Variants in PCDHGB5 observed in about 807,000 individuals in gnomAD.
The protein encoded by PCDHGB5 is protocadherin gamma subfamily B, 5, also known as protocadherin gamma-B5.
In PCDHGB5, 48 loss-of-function variants were observed where a neutral mutation model predicts 62.9. The observed-to-expected ratio is 0.76, with a 90% confidence interval of 0.61 to 0.97. The LOEUF is 0.97. Ranked by LOEUF, PCDHGB5 falls within the 50% of genes least tolerant of loss-of-function variation. The pLI is 0.00. For missense variants in PCDHGB5, 1,118 were observed against 1,198.6 expected (o/e 0.93, Z 0.99); for synonymous variants, 474 against 511.2 (o/e 0.93, Z 0.98).
intron 1 of PCDHGB5, chr5:141,415,863 G>T (rs1321470910): frequency 2.7e-5 from 30 of 1,107,154 alleles, no homozygotes; most frequent in Non-Finnish European, 3.6e-5. Context: ...GTAGTTTATA[G>T]TGTTGTTGAG....
At chr5:141,406,346 G>C (rs1296474677) in intron 1 of PCDHGB5, among the ~76,000 whole-genome samples, 1 of 152,092 alleles carries the variant, frequency 6.6e-6, no homozygotes, top group Non-Finnish European at 1.5e-5. Flanking sequence ...ATTTATTCAG[G>C]TCATACTATG....
intron 1 of PCDHGB5, among the ~76,000 whole-genome samples, chr5:141,463,073 C>G (rs911706393): frequency 6.6e-6 from 1 of 152,110 alleles, no homozygotes; most frequent in African/African-American, 2.4e-5. Flanking sequence ...AAATGAAATT[C>G]AAACATTTTC....
chr5:141,486,506 A>C lies in PCDHGB5; in HGVS notation c.2398-8301A>C. The C allele has an allele frequency of 6.2e-7, 1 of 1,614,134 alleles. No individual in the cohort carries two copies. The highest frequency in any genetic ancestry group is 8.5e-7 in the Non-Finnish European group (1 of 1,180,006). Reference sequence around the variant, plus strand: ...TACCCACAGAACTATTTTCCTCAATATTTCAGATGTGAATGATAATCCACC... The same window carrying C: ...TACCCACAGAACTATTTTCCTCAATCTTTCAGATGTGAATGATAATCCACC... On this transcript the variant is annotated intron_variant, in intron 1 of 3. Transcript: ENST00000617380. The surrounding 1 kb of genome is among the most constrained non-coding windows in gnomAD (Gnocchi z 5.0).
chr5:141,410,080 G>A (rs758499736), intron 1 of PCDHGB5: 2 of 1,612,672 alleles, frequency 1.2e-6, no homozygotes, highest in African/African-American at 2.7e-5. Context: ...CTGGGGAGGT[G>A]CGCACGGCTC....
In PCDHGB5 at chr5:141,398,667, A is replaced by G. The variant is rs750777887; in HGVS notation, c.540A>G (p.Leu180=). 6.2e-7 allele frequency: 1 copy of G among 1,614,006 alleles called. No individual in the cohort carries two copies. The highest frequency in any genetic ancestry group is 1.7e-5 in the Admixed American group (1 of 60,030). The part of the protein sequence containing the change: ...YKLSLNPSFS[L]IIKEKQDGSK... Reference sequence around the variant, plus strand: ...TCTCTCTTAACCCAAGTTTCTCATTAATAATTAAGGAGAAACAGGATGGTA... The same window carrying G: ...TCTCTCTTAACCCAAGTTTCTCATTGATAATTAAGGAGAAACAGGATGGTA... Residue 180 remains leucine, a synonymous_variant, in exon 1 of 4, where the codon TTA becomes TTG. Transcript: ENST00000617380.
intron 2 of PCDHGB5, among the ~76,000 whole-genome samples, chr5:141,498,792 G>A (rs1217057199): frequency 2.6e-5 from 4 of 152,086 alleles, no homozygotes; most frequent in Admixed American, 2.6e-4. Context: ...TATTAGCCAG[G>A]TGTGGTGGTG....
At chr5:141,403,010 C>G in intron 1 of PCDHGB5, 1 of 1,614,058 alleles carries the variant, frequency 6.2e-7, no homozygotes, top group Non-Finnish European at 8.5e-7. Flanking sequence ...ATGCTCGCTC[C>G]TGGGGATGCT....
chr5:141,432,366 A>T lies in PCDHGB5; in HGVS notation c.2397+31842A>T. The T allele has an allele frequency of 6.2e-7, 1 of 1,614,204 alleles. No homozygotes were observed. Among genetic ancestry groups the T allele is most frequent in the Non-Finnish European group, 8.5e-7 (1 of 1,180,034 alleles). On this transcript the variant is annotated intron_variant, in intron 1 of 3. Coordinates refer to ENST00000617380, the MANE Select transcript of PCDHGB5 (RefSeq NM_018925.3). This position sits in a 1 kb window ranked among gnomAD's most constrained non-coding sequence, Gnocchi z 6.0. Reference sequence around the variant, plus strand: ...TTGCAAGTGAAAGTGATGGCGCGGGACAACGGGCACCCGCCCCTCAGCAGC... The same window carrying T: ...TTGCAAGTGAAAGTGATGGCGCGGGTCAACGGGCACCCGCCCCTCAGCAGC...
chr5:141,431,709 T>C lies in PCDHGB5; in HGVS notation c.2397+31185T>C. On this transcript the variant is annotated intron_variant, in intron 1 of 3. Coordinates refer to ENST00000617380, the MANE Select transcript of PCDHGB5 (RefSeq NM_018925.3). This position sits in a 1 kb window ranked among gnomAD's most constrained non-coding sequence, Gnocchi z 4.8. ...CACGAGGAGTCAGGATTCTACCAGA[T>C]GGAAGTGCAAGCAATGGATAATGCA... The C allele has an allele frequency of 6.2e-7, 1 of 1,614,168 alleles. No individual in the cohort carries two copies. Among genetic ancestry groups the C allele is most frequent in the Non-Finnish European group, 8.5e-7 (1 of 1,180,018 alleles).
intron 1 of PCDHGB5, chr5:141,408,782 T>A: frequency 6.2e-7 from 1 of 1,612,108 alleles, no homozygotes. Context: ...ATACCCAGAG[T>A]TATCTCTGGA....
At chr5:141,421,222 C>T in intron 1 of PCDHGB5, 1 of 1,576,946 alleles carries the variant, frequency 6.3e-7, no homozygotes, top group Non-Finnish European at 8.6e-7. Flanking sequence ...CGGCTTAGAG[C>T]CTGCCATGGC....
chr5:141,415,866 T>A, intron 1 of PCDHGB5: 1 of 1,115,266 alleles, frequency 9.0e-7, no homozygotes, highest in Non-Finnish European at 1.2e-6. Context: ...GTTTATAGTG[T>A]TGTTGAGTAC....
At chr5:141,412,441 G>C (rs1334085357) in intron 1 of PCDHGB5, 1 of 152,124 alleles carries the variant, frequency 6.6e-6, no homozygotes, top group African/African-American at 2.4e-5. Flanking sequence ...GTTAATTAAG[G>C]CTCAGTAAAA....
Position 141,431,583 on chromosome 5 carries a change from C to A in PCDHGB5, c.2397+31059C>A, listed in dbSNP as rs771534481. On this transcript the variant is annotated intron_variant, in intron 1 of 3. Transcript: ENST00000617380. The surrounding 1 kb of genome is among the most constrained non-coding windows in gnomAD (Gnocchi z 4.8). ...ACCGACCCTGACGAAGGAGTCAATGCGGAAGTGAGGTATTCCTTCCGGTAT... is the reference window on the plus strand; with the variant it reads ...ACCGACCCTGACGAAGGAGTCAATGAGGAAGTGAGGTATTCCTTCCGGTAT... The A allele has an allele frequency of 1.1e-5, 18 of 1,614,008 alleles. No individual in the cohort carries two copies. In the South Asian group the frequency reaches 1.2e-4, roughly 11 times the overall value.
chr5:141,472,335 A>T (rs1033984936), intron 1 of PCDHGB5, among the ~76,000 whole-genome samples: 38 of 151,784 alleles, frequency 2.5e-4, no homozygotes, highest in Non-Finnish European at 2.5e-4. Context: ...AGGTTGGGAG[A>T]TCGAGACCAT....
intron 1 of PCDHGB5, among the ~76,000 whole-genome samples, chr5:141,464,049 G>C (rs1330340459): frequency 6.6e-6 from 1 of 152,124 alleles, no homozygotes; most frequent in Admixed American, 6.5e-5. Context: ...TGGATCACCT[G>C]AGGTCAGGAG....
In PCDHGB5 at chr5:141,512,088, A is replaced by G. The variant is rs192947391; in HGVS notation, c.*915A>G. 2.6e-5 allele frequency: 4 copies of G among 152,772 alleles called. No individual in the cohort carries two copies. Among genetic ancestry groups the G allele is most frequent in the Admixed American group, 6.5e-5 (1 of 15,306 alleles). 9.5% of individuals were successfully genotyped at this position (152,772 alleles called of 1,614,324 possible). On this transcript the variant is annotated 3_prime_UTR_variant, in exon 4 of 4. Transcript: ENST00000617380. ...TCCTCCAGATTCCAGCCATAAACCAATAACTAGGCTGGACCCTTCCCACTA... is the reference window on the plus strand; with the variant it reads ...TCCTCCAGATTCCAGCCATAAACCAGTAACTAGGCTGGACCCTTCCCACTA...
Position 141,431,388 on chromosome 5 carries a change from T to G in PCDHGB5, c.2397+30864T>G. 1 of 1,613,920 alleles carries G rather than the reference T, an allele frequency of 6.2e-7. No individual in the cohort carries two copies. The highest frequency in any genetic ancestry group is 8.5e-7 in the Non-Finnish European group (1 of 1,180,038). ...CGCGAAGAAAAGGCTGCTCACCACC[T>G]GGTCCTTACGGCCTCCGACGGGGGC... On this transcript the variant is annotated intron_variant, in intron 1 of 3. Transcript: ENST00000617380. The surrounding 1 kb of genome is among the most constrained non-coding windows in gnomAD (Gnocchi z 4.8).
chr5:141,478,121 G>T lies in PCDHGB5; in HGVS notation c.2398-16686G>T. On this transcript the variant is annotated intron_variant, in intron 1 of 3. Coordinates refer to ENST00000617380, the MANE Select transcript of PCDHGB5 (RefSeq NM_018925.3). ...TACCCTCACTGTGTCAGTAACCGAG[G>T]ACTCTCCTGAAGCCCGAGCCGAGTT... 2.5e-6 allele frequency: 4 copies of T among 1,614,036 alleles called. No individual in the cohort carries two copies. In the African/African-American group the frequency reaches 4.0e-5, roughly 16 times the overall value.
Sources: gnomAD v4.1 joint callset for allele counts (sites outside exome capture counted in the v4.1 genomes callset) on GRCh38, gnomAD v4.1.1 for gene constraint, Gnocchi (gnomAD v3.1) non-coding constraint, MANE v1.5 for transcripts, NCBI Gene and HGNC (gene_info 2026-07-23, HGNC 2026-07-21) for gene names.